ADGRV1: variants seen among roughly 807,000 people sequenced by gnomAD.
The protein encoded by ADGRV1 is adhesion G protein-coupled receptor V1.
ADGRV1 carries 359 observed loss-of-function variants against 596.2 expected under a neutral mutation model. The ratio of observed to expected loss-of-function variants is 0.60; its 90% CI spans 0.55 to 0.66. ADGRV1 has a LOEUF of 0.66. Among genes scored for constraint, ADGRV1 ranks in the 30% least tolerant of loss-of-function variants. The probability of loss-of-function intolerance (pLI) is 0.00; values close to 1 mark genes in which losing one functional copy is unlikely to be tolerated. For synonymous variants in ADGRV1, 2,681 were observed against 2,679.2 expected, an observed-to-expected ratio of 1.00 and a Z score of -0.02; for missense variants, 7,274 against 7,575.6, an observed-to-expected ratio of 0.96 and a Z score of 1.48.
chr5:91,091,399 G>T (rs879693868), intron 86 of ADGRV1, among the ~76,000 whole-genome samples: 1 of 152,084 alleles, frequency 6.6e-6, no homozygotes, highest in Non-Finnish European at 1.5e-5. Context: ...TTTAACTGTA[G>T]CATGTCTTGT....
intron 31 of ADGRV1, chr5:90,691,288 C>A: frequency 8.2e-6 from 4 of 489,534 alleles, no homozygotes; most frequent in East Asian, 4.7e-5. Flanking sequence ...TTGCATTGTT[C>A]AACATTTTGG....
At chr5:90,830,379 A>G (rs1253265254) in intron 77 of ADGRV1, among the ~76,000 whole-genome samples, 1 of 152,158 alleles carries the variant, frequency 6.6e-6, no homozygotes, top group African/African-American at 2.4e-5. Context: ...TAAATTATAG[A>G]AGTCTGTTTC....
At chr5:90,977,011 A>G (rs955167594) in intron 84 of ADGRV1, among the ~76,000 whole-genome samples, 5 of 152,206 alleles carry the variant, frequency 3.3e-5, no homozygotes, top group Admixed American at 2.6e-4. Flanking sequence ...ATGAACAAGC[A>G]AATGTGCGTG....
At chr5:90,668,788 ATTTT>A (rs538875737) in intron 21 of ADGRV1, among the ~76,000 whole-genome samples, 1 of 152,160 alleles carries the variant, frequency 6.6e-6, no homozygotes, top group Admixed American at 6.5e-5. Flanking sequence ...ATGAATAGTG[ATTTT>A]TTTAAACTGA....
rs540754759 is a variant in ADGRV1, at chr5:90,894,257, T to G, written c.17856+30400T>G. 1.0e-3 allele frequency among the ~76,000 whole-genome samples: 157 copies of G among 152,288 alleles called. 1 individual carries two copies. The highest frequency in any genetic ancestry group is 1.4e-3 in the Non-Finnish European group (94 of 68,014). On this transcript the variant is annotated intron_variant, in intron 83 of 89. Transcript: ENST00000405460. The stretch of plus-strand genomic sequence containing the variant: ...TAAGTTTTGGCAAAGGTTTTCATCA[T>G]TCTCAAACCTTTTTCCAGCTCCAAG...
chr5:91,053,290 T>G (rs1335308628), intron 85 of ADGRV1, among the ~76,000 whole-genome samples: 1 of 152,184 alleles, frequency 6.6e-6, no homozygotes, highest in African/African-American at 2.4e-5. Flanking sequence ...CTCTAGGCCC[T>G]TTTTCTAAAA....
intron 85 of ADGRV1, among the ~76,000 whole-genome samples, chr5:90,993,401 C>G (rs752098574): frequency 3.7e-4 from 57 of 152,016 alleles, no homozygotes; most frequent in Non-Finnish European, 3.5e-4. Context: ...TTGTGATCCA[C>G]CCACCTCAGC....
At chr5:91,063,211 G>A (rs886817108) in intron 85 of ADGRV1, among the ~76,000 whole-genome samples, 1 of 151,802 alleles carries the variant, frequency 6.6e-6, no homozygotes, top group African/African-American at 2.4e-5. Context: ...TGCCCACCTC[G>A]GCCTCCCAAA....
chr5:90,762,160 A>G (rs6893549), intron 58 of ADGRV1, among the ~76,000 whole-genome samples: 18,118 of 152,152 alleles, frequency 0.12, 1,717 homozygotes, highest in African/African-American at 0.26. Context: ...TGTTACATCT[A>G]TGGAATCAAA....
chr5:91,051,736 A>T (rs1786350986), intron 85 of ADGRV1, among the ~76,000 whole-genome samples: 1 of 151,672 alleles, frequency 6.6e-6, no homozygotes. Flanking sequence ...TTTAGTAGAG[A>T]TGGGGTTTCA....
intron 72 of ADGRV1, among the ~76,000 whole-genome samples, chr5:90,805,841 A>G (rs1208745932): frequency 6.6e-6 from 1 of 152,204 alleles, no homozygotes; most frequent in Non-Finnish European, 1.5e-5. Context: ...GGCAGCTGTT[A>G]CTTTAGATAC....
At chr5:90,623,293 T>C (rs1764328448) in intron 5 of ADGRV1, among the ~76,000 whole-genome samples, 1 of 152,234 alleles carries the variant, frequency 6.6e-6, no homozygotes. Context: ...ATAATGTTAA[T>C]TCTATAAAAT....
intron 85 of ADGRV1, among the ~76,000 whole-genome samples, chr5:91,034,039 C>A (rs1784677309): frequency 1.3e-5 from 2 of 152,132 alleles, no homozygotes; most frequent in South Asian, 2.1e-4. Flanking sequence ...ATGAAGCATG[C>A]AGAAATTCCT....
At chr5:90,903,222 A>G (rs1772012930) in intron 83 of ADGRV1, among the ~76,000 whole-genome samples, 1 of 152,022 alleles carries the variant, frequency 6.6e-6, no homozygotes, top group African/African-American at 2.4e-5. Flanking sequence ...GCTACAGTGT[A>G]TTTCCTAATC....
At chr5:90,790,330 C>T (rs1759925448) in intron 69 of ADGRV1, among the ~76,000 whole-genome samples, 1 of 152,148 alleles carries the variant, frequency 6.6e-6, no homozygotes, top group Non-Finnish European at 1.5e-5. Flanking sequence ...AATTTGTTTG[C>T]AGGAAAAACA....
At chr5:90,704,904 G>A (rs1409616122) in intron 36 of ADGRV1, among the ~76,000 whole-genome samples, 1 of 151,902 alleles carries the variant, frequency 6.6e-6, no homozygotes, top group Non-Finnish European at 1.5e-5. Flanking sequence ...GCCGCCTCCC[G>A]GGTTCAAGCG....
chr5:90,614,208 T>G (rs1168575101), intron 1 of ADGRV1: 1 of 387,022 alleles, frequency 2.6e-6, no homozygotes, highest in African/African-American at 2.2e-5. Context: ...ATATATACTT[T>G]GGCAAATTTA....
chr5:90,895,211 A>G (rs1286242216), intron 83 of ADGRV1, among the ~76,000 whole-genome samples: 1 of 152,134 alleles, frequency 6.6e-6, no homozygotes, highest in Admixed American at 6.6e-5. Context: ...CCAGGTAACC[A>G]TGTTCACAGT....
intron 31 of ADGRV1, among the ~76,000 whole-genome samples, chr5:90,691,314 C>T (rs1021221350): frequency 3.4e-5 from 5 of 148,950 alleles, no homozygotes; most frequent in African/African-American, 1.2e-4. Context: ...AGGTTAAATA[C>T]ATATATATAT....
Sources: gnomAD v4.1 joint callset for allele counts (sites outside exome capture counted in the v4.1 genomes callset) on GRCh38, gnomAD v4.1.1 for gene constraint, MANE v1.5 for transcripts, NCBI Gene and HGNC (gene_info 2026-07-23, HGNC 2026-07-21) for gene names.